PARD3B: variants seen among roughly 807,000 people sequenced by gnomAD.
PARD3B encodes par-3 family cell polarity regulator beta.
In PARD3B, 103 loss-of-function variants were observed where a neutral mutation model predicts 130.2. The observed-to-expected ratio is 0.79, with a 90% CI of 0.67 to 0.93. The LOEUF (loss-of-function observed/expected upper bound fraction) is 0.93. PARD3B is among the 40% of genes least tolerant of loss of function. The pLI is 0.00. For missense variants in PARD3B, 1,609 were observed against 1,499.2 expected (o/e 1.07, Z -1.21); for synonymous variants, 583 against 553.2 (o/e 1.05, Z -0.76).
rs1273582854 is a variant in PARD3B, at chr2:205,238,849, A to AAAAATATATATAT, written c.2141-6928_2141-6927insAAATATATATATA. On this transcript the variant is annotated intron_variant, in intron 15 of 22. Transcript: ENST00000406610. The stretch of plus-strand genomic sequence containing the variant: ...AAACTCCGTTTCAAAAAAAAAAAAA[A>AAAAATATATATAT]ATATATATATATATATATATATATA... Among the ~76,000 whole-genome samples, 30 of 76,892 alleles carry AAAAATATATATAT rather than the reference A, an allele frequency of 3.9e-4. 1 individual carries two copies. Among genetic ancestry groups the AAAAATATATATAT allele is most frequent in the East Asian group, 2.2e-3 (4 of 1,792 alleles). 50.4% of individuals were successfully genotyped at this position (76,892 alleles called of 152,430 possible).
chr2:204,935,372 A>AT (rs1343103270), intron 2 of PARD3B, among the ~76,000 whole-genome samples: 1 of 120,250 alleles, frequency 8.3e-6, no homozygotes, highest in Non-Finnish European at 2.0e-5. Flanking sequence ...TACTAAAAAT[A>AT]CAAAAAAAAA....
intron 2 of PARD3B, among the ~76,000 whole-genome samples, chr2:204,896,289 A>G (rs2046637164): frequency 6.6e-6 from 1 of 152,200 alleles, no homozygotes; most frequent in South Asian, 2.1e-4. Context: ...CAATAATGAA[A>G]GTAAATAAAG....
chr2:205,067,799 G>A lies in PARD3B; in HGVS notation c.504+20109G>A, dbSNP rs374531457. On this transcript the variant is annotated intron_variant, in intron 4 of 22. Transcript: ENST00000406610. ...TTTTTCTTTTATCACTGAAAGCAGC[G>A]TAATTCCATGAATACATTTTCTAAT... Among the ~76,000 whole-genome samples, 81 of 152,166 alleles carry A rather than the reference G, an allele frequency of 5.3e-4. 1 individual carries two copies. Among genetic ancestry groups the A allele is most frequent in the East Asian group, 1.7e-3 (9 of 5,180 alleles).
intron 19 of PARD3B, among the ~76,000 whole-genome samples, chr2:205,428,219 AC>A (rs1240090426): frequency 6.6e-6 from 1 of 152,146 alleles, no homozygotes; most frequent in Non-Finnish European, 1.5e-5. Flanking sequence ...CCCCATCTCT[AC>A]AAAAAATTAC....
Position 205,052,419 on chromosome 2 carries a change from G to GTATATATATATATATATATGTA in PARD3B, c.504+4748_504+4749insGTATATATATATATATATATAT, listed in dbSNP as rs1699261296. On this transcript the variant is annotated intron_variant, in intron 4 of 22. Coordinates refer to ENST00000406610, the MANE Select transcript of PARD3B (RefSeq NM_001302769.2). ...GTCCATGTGTATTTTATATATATAT[G>GTATATATATATATATATATGTA]TATATATATATATATATATATATAT... 2.3e-4 allele frequency among the ~76,000 whole-genome samples: 9 copies of GTATATATATATATATATATGTA among 39,770 alleles called. No individual in the cohort carries two copies. In the South Asian group the frequency reaches 0.011, roughly 48 times the overall value. The allele number at this position is 39,770 out of a possible 152,430, so 26.1% of individuals were successfully genotyped here.
chr2:204,987,993 T>C (rs116269681), intron 3 of PARD3B, among the ~76,000 whole-genome samples: 1,578 of 151,804 alleles, frequency 0.01, 22 homozygotes, highest in African/African-American at 0.036. Context: ...AAGAGGTAGT[T>C]AGATGAAAAT....
intron 2 of PARD3B, among the ~76,000 whole-genome samples, chr2:204,883,455 A>ATATAAAATATATATATTATATATATATT (rs1377428928): frequency 2.6e-5 from 2 of 77,272 alleles, no homozygotes; most frequent in Non-Finnish European, 4.6e-5. Flanking sequence ...ATATATATAT[A>ATATAAAATATATATATTATATATATATT]TTTTTTTTTT....
At chr2:205,286,822 G>T (rs548286368) in intron 16 of PARD3B, among the ~76,000 whole-genome samples, 1 of 152,286 alleles carries the variant, frequency 6.6e-6, no homozygotes, top group African/African-American at 2.4e-5. Context: ...TGTCATTGTA[G>T]ATAGGTTGTT....
rs2039951797 is a variant in PARD3B at position 205,253,670 on chromosome 2, G to T, written c.2185+7848G>T. Among the ~76,000 whole-genome samples, 1 of 152,136 alleles carries T rather than the reference G, an allele frequency of 6.6e-6. No homozygotes were observed. The highest frequency in any genetic ancestry group is 1.9e-4 in the East Asian group (1 of 5,178). Reference sequence around the variant, plus strand: ...ATCTTTCAGATGGTTAGATGATGAAGGTAGTAGAAGGCAAGGATGATTGGG... The same window carrying T: ...ATCTTTCAGATGGTTAGATGATGAATGTAGTAGAAGGCAAGGATGATTGGG... On this transcript the variant is annotated intron_variant, in intron 16 of 22. Transcript: ENST00000406610. This position sits in a 1 kb window ranked among gnomAD's most constrained non-coding sequence, Gnocchi z 4.4.
chr2:204,742,035 G>A (rs1343868979), intron 2 of PARD3B, among the ~76,000 whole-genome samples: 3 of 152,208 alleles, frequency 2.0e-5, no homozygotes, highest in African/African-American at 4.8e-5. Flanking sequence ...TTACTCAGAA[G>A]CTCTGGGGCT....
intron 15 of PARD3B, among the ~76,000 whole-genome samples, chr2:205,193,535 A>G (rs1219251963): frequency 6.6e-6 from 1 of 152,212 alleles, no homozygotes; most frequent in Non-Finnish European, 1.5e-5. Context: ...ATTTATTTTT[A>G]CAAAGTGATC....
intron 18 of PARD3B, among the ~76,000 whole-genome samples, chr2:205,327,037 C>G (rs77547099): frequency 0.013 from 2,023 of 152,250 alleles, 22 homozygotes; most frequent in Non-Finnish European, 0.021. Flanking sequence ...ATATCTTAGT[C>G]TGATCATCAG....
chr2:204,588,186 T>G (rs2125090202), intron 1 of PARD3B, among the ~76,000 whole-genome samples: 1 of 152,318 alleles, frequency 6.6e-6, no homozygotes, highest in South Asian at 2.1e-4. Flanking sequence ...GCAGACTGGC[T>G]TCCGTGACTT....
chr2:205,519,234 CTT>C (rs1462507836), intron 21 of PARD3B, among the ~76,000 whole-genome samples: 6 of 152,116 alleles, frequency 3.9e-5, no homozygotes, highest in Non-Finnish European at 1.5e-5. Flanking sequence ...GATTTGGTCT[CTT>C]TTCATAATCC....
At chr2:205,471,038 G>A (rs189120764) in intron 20 of PARD3B, among the ~76,000 whole-genome samples, 326 of 152,280 alleles carry the variant, frequency 2.1e-3, no homozygotes, top group Non-Finnish European at 3.2e-3. Flanking sequence ...TTGTGACCTC[G>A]TTCATACCCT....
rs964807894 is a variant in PARD3B at position 205,288,955 on chromosome 2, C to T, written c.2186-11575C>T. ...GTGGTTTGCAGAGATACCTGCTGGC[C>T]AGTGATCCCAAAAGTCCATGACCTT... On this transcript the variant is annotated intron_variant, in intron 16 of 22. Transcript: ENST00000406610. This position sits in a 1 kb window ranked among gnomAD's most constrained non-coding sequence, Gnocchi z 4.0. 2.6e-5 allele frequency among the ~76,000 whole-genome samples: 4 copies of T among 152,158 alleles called. No homozygotes were observed. The highest frequency in any genetic ancestry group is 9.7e-5 in the African/African-American group (4 of 41,440).
chr2:204,636,688 T>C (rs1254586078), intron 1 of PARD3B, among the ~76,000 whole-genome samples: 1 of 152,138 alleles, frequency 6.6e-6, no homozygotes, highest in Admixed American at 6.6e-5. Context: ...ATTTAGCCTT[T>C]TCTTTGGTTT....
intron 2 of PARD3B, among the ~76,000 whole-genome samples, chr2:204,739,051 T>G (rs1278882390): frequency 6.6e-6 from 1 of 152,174 alleles, no homozygotes; most frequent in African/African-American, 2.4e-5. Context: ...CTACTTTGGT[T>G]TTTGGGAGAC....
intron 1 of PARD3B, among the ~76,000 whole-genome samples, chr2:204,649,189 C>T (rs887621895): frequency 4.1e-4 from 61 of 150,294 alleles, no homozygotes; most frequent in African/African-American, 1.5e-3. Flanking sequence ...TGGTCCACAT[C>T]CTTGCCAACA....
Sources: allele counts gnomAD v4.1 joint callset (sites outside exome capture counted in the v4.1 genomes callset), GRCh38; gene constraint gnomAD v4.1.1; non-coding constraint Gnocchi (gnomAD v3.1); transcripts MANE v1.5; gene names NCBI Gene and HGNC (gene_info 2026-07-23, HGNC 2026-07-21).